The following PCBP3 variants were observed in gnomAD, a reference collection of about 807,000 sequenced individuals.
PCBP3 encodes poly(rC)-binding protein 3.
In PCBP3, 25 loss-of-function variants were observed where a neutral mutation model predicts 52.7. That is an observed-to-expected ratio of 0.47 (90% CI 0.35 to 0.66). PCBP3 has a LOEUF of 0.66. Among genes scored for constraint, PCBP3 ranks in the 30% least tolerant of loss-of-function variants. The pLI is 0.01. For missense variants in PCBP3, 391 were observed against 490.3 expected (o/e 0.80, Z 1.91); for synonymous variants, 162 against 183.0 (o/e 0.89, Z 0.93).
intron 5 of PCBP3, among the ~76,000 whole-genome samples, chr21:45,856,352 C>G (rs569789393): frequency 6.6e-6 from 1 of 152,328 alleles, no homozygotes; most frequent in East Asian, 1.9e-4. Flanking sequence ...AGTAACTTAA[C>G]TCATTCAACC....
At chr21:45,764,119 CTTTTTTTTT>C (rs71185167) in intron 4 of PCBP3, among the ~76,000 whole-genome samples, 1 of 119,788 alleles carries the variant, frequency 8.3e-6, no homozygotes, top group East Asian at 2.2e-4. Flanking sequence ...TTTTTTTTTT[CTTTTTTTTT>C]TTTTTGTTTT....
At chr21:45,732,720 A>G (rs1250505509) in intron 2 of PCBP3, 2 of 152,170 alleles carry the variant, frequency 1.3e-5, no homozygotes, top group African/African-American at 4.8e-5. Flanking sequence ...CAGTGATGCA[A>G]TCACAGTTCA....
At position 45,800,958 on chromosome 21, in the gene PCBP3, C is replaced by T. The variant is rs1048724615; in HGVS notation, c.-126+45506C>T. ...CTGAGCATGGGGTTCCCGCCTCCTC[C>T]AGGACTTGTTGCCCGTTCTGCGTGG... On this transcript the variant is annotated intron_variant, in intron 4 of 17. Coordinates refer to ENST00000681687, the MANE Select transcript of PCBP3 (RefSeq NM_001384156.1). This position sits in a 1 kb window ranked among gnomAD's most constrained non-coding sequence, Gnocchi z 5.3. Among the ~76,000 whole-genome samples, 9 of 152,214 alleles carry T rather than the reference C, an allele frequency of 5.9e-5. No individual in the cohort carries two copies. Among genetic ancestry groups the T allele is most frequent in the Admixed American group, 2.6e-4 (4 of 15,286 alleles).
intron 4 of PCBP3, among the ~76,000 whole-genome samples, chr21:45,765,732 G>A (rs2089250371): frequency 6.6e-6 from 1 of 152,202 alleles, no homozygotes; most frequent in African/African-American, 2.4e-5. Flanking sequence ...TTCAGTTTAG[G>A]GCTATGGGGA....
At chr21:45,718,567 G>A (rs948959152) in intron 2 of PCBP3, among the ~76,000 whole-genome samples, 1 of 152,078 alleles carries the variant, frequency 6.6e-6, no homozygotes, top group Non-Finnish European at 1.5e-5. Flanking sequence ...CTTGGATGCA[G>A]CTCGGGGGAA....
At chr21:45,792,538 A>C (rs1439503534) in intron 4 of PCBP3, among the ~76,000 whole-genome samples, 1 of 152,264 alleles carries the variant, frequency 6.6e-6, no homozygotes, top group Non-Finnish European at 1.5e-5. Flanking sequence ...ACAGTCATCT[A>C]CTGACACCCT....
At chr21:45,723,872 G>A (rs1198832834) in intron 2 of PCBP3, among the ~76,000 whole-genome samples, 2 of 152,068 alleles carry the variant, frequency 1.3e-5, no homozygotes, top group Admixed American at 6.6e-5. Context: ...TTCTTTTTCC[G>A]CTGAGACCAT....
chr21:45,866,705 C>T (rs1248767576), intron 5 of PCBP3, among the ~76,000 whole-genome samples: 1 of 152,136 alleles, frequency 6.6e-6, no homozygotes, highest in Non-Finnish European at 1.5e-5. Flanking sequence ...GCCCCAGATG[C>T]ACACGAGCGT....
At chr21:45,726,750 T>G (rs1000201555) in intron 2 of PCBP3, among the ~76,000 whole-genome samples, 1 of 152,234 alleles carries the variant, frequency 6.6e-6, no homozygotes, top group Non-Finnish European at 1.5e-5. Context: ...CTGGCCTGGC[T>G]GGTCTGGAAA....
At chr21:45,717,464 C>T (rs763519136) in intron 2 of PCBP3, among the ~76,000 whole-genome samples, 23 of 152,076 alleles carry the variant, frequency 1.5e-4, no homozygotes, top group African/African-American at 4.1e-4. Flanking sequence ...ATGTTAGCTG[C>T]GAGTTTTTCA....
At chr21:45,815,219 GT>G (rs1439552602) in intron 4 of PCBP3, among the ~76,000 whole-genome samples, 2 of 87,386 alleles carry the variant, frequency 2.3e-5, no homozygotes, top group Admixed American at 2.1e-4. Flanking sequence ...TGAGTGAGTG[GT>G]GAGTGATGAG....
At chr21:45,933,734 G>C (rs2076569496) in intron 15 of PCBP3, among the ~76,000 whole-genome samples, 1 of 152,244 alleles carries the variant, frequency 6.6e-6, no homozygotes, top group South Asian at 2.1e-4. Context: ...ATCCCCTCCT[G>C]TGCTGGACGG....
chr21:45,806,613 G>A (rs1569247806), intron 4 of PCBP3, among the ~76,000 whole-genome samples: 1 of 151,968 alleles, frequency 6.6e-6, no homozygotes. Context: ...TGAAAGGTGG[G>A]TATTTCATCG....
intron 4 of PCBP3, among the ~76,000 whole-genome samples, chr21:45,822,118 C>G (rs556043877): frequency 6.6e-6 from 1 of 152,320 alleles, no homozygotes; most frequent in South Asian, 2.1e-4. Context: ...CACCCATAGC[C>G]TCCGGTATCT....
At chr21:45,879,892 A>G (rs1418866278) in intron 5 of PCBP3, among the ~76,000 whole-genome samples, 1 of 152,062 alleles carries the variant, frequency 6.6e-6, no homozygotes, top group African/African-American at 2.4e-5. Flanking sequence ...ACTTGAAGAA[A>G]CTTTAAAAAA....
At chr21:45,654,047 TA>T (rs2079856645) in intron 1 of PCBP3, among the ~76,000 whole-genome samples, 1 of 152,142 alleles carries the variant, frequency 6.6e-6, no homozygotes, top group East Asian at 1.9e-4. Context: ...TGCTTATTAT[TA>T]TGCACTTTAA....
rs945781748 is a variant in PCBP3 at position 45,805,859 on chromosome 21, G to A, written c.-125-44102G>A. Reference sequence around the variant, plus strand: ...ATTCCCTCCTAGCACCTGCACACTCGGATGGTCCTGAGGAAAGGAGGGCGA... The same window carrying A: ...ATTCCCTCCTAGCACCTGCACACTCAGATGGTCCTGAGGAAAGGAGGGCGA... On this transcript the variant is annotated intron_variant, in intron 4 of 17. Coordinates refer to ENST00000681687, the MANE Select transcript of PCBP3 (RefSeq NM_001384156.1). The surrounding 1 kb of genome is among the most constrained non-coding windows in gnomAD (Gnocchi z 4.6). Among the ~76,000 whole-genome samples, 11 of 152,096 alleles carry A rather than the reference G, an allele frequency of 7.2e-5. No individual in the cohort carries two copies. The highest frequency in any genetic ancestry group is 1.3e-4 in the Non-Finnish European group (9 of 68,012).
intron 1 of PCBP3, among the ~76,000 whole-genome samples, chr21:45,651,005 G>T (rs150156965): frequency 6.6e-6 from 1 of 152,180 alleles, no homozygotes; most frequent in African/African-American, 2.4e-5. Flanking sequence ...ATAATCTTGA[G>T]TGAGCGTGGG....
intron 3 of PCBP3, among the ~76,000 whole-genome samples, chr21:45,753,957 T>A (rs1327224388): frequency 6.6e-6 from 1 of 152,218 alleles, no homozygotes; most frequent in African/African-American, 2.4e-5. Flanking sequence ...TTTCCACTTT[T>A]ACCACAGATA....
Sources: gnomAD v4.1 joint callset for allele counts (sites outside exome capture counted in the v4.1 genomes callset) on GRCh38, gnomAD v4.1.1 for gene constraint, Gnocchi (gnomAD v3.1) non-coding constraint, MANE v1.5 for transcripts, NCBI Gene and HGNC (gene_info 2026-07-23, HGNC 2026-07-21) for gene names.